DOCK7: variants seen among roughly 807,000 people sequenced by gnomAD.
DOCK7 encodes the protein dedicator of cytokinesis protein 7.
A neutral mutation model predicts 271.0 loss-of-function variants in DOCK7; 138 were observed. That is an observed-to-expected ratio of 0.51 (90% CI 0.44 to 0.59). DOCK7 has a LOEUF of 0.59. DOCK7 is among the 20% of genes least tolerant of loss of function. The probability of loss-of-function intolerance (pLI) is 0.00; values close to 1 mark genes in which losing one functional copy is unlikely to be tolerated. For missense variants in DOCK7, 2,066 were observed against 2,592.4 expected (o/e 0.80, Z 4.41); for synonymous variants, 823 against 876.1 (o/e 0.94, Z 1.07).
chr1:62,542,012 C>T (rs1480879883), intron 25 of DOCK7, among the ~76,000 whole-genome samples: 1 of 152,082 alleles, frequency 6.6e-6, no homozygotes, highest in Non-Finnish European at 1.5e-5. Flanking sequence ...GATGGAACTA[C>T]AGGTTTGTGC....
At chr1:62,538,660 C>T (rs964174014) in intron 27 of DOCK7, among the ~76,000 whole-genome samples, 1 of 152,072 alleles carries the variant, frequency 6.6e-6, no homozygotes, top group Non-Finnish European at 1.5e-5. Flanking sequence ...TGGGTGAGTG[C>T]CCATGCATAG....
At chr1:62,498,257 T>C (rs1165498885) in intron 37 of DOCK7, among the ~76,000 whole-genome samples, 2 of 152,050 alleles carry the variant, frequency 1.3e-5, no homozygotes, top group African/African-American at 4.8e-5. Context: ...TAAAAAACTG[T>C]CTTTGTGTTT....
At chr1:62,649,455 A>G (rs1243349932) in intron 4 of DOCK7, among the ~76,000 whole-genome samples, 1 of 152,206 alleles carries the variant, frequency 6.6e-6, no homozygotes, top group Non-Finnish European at 1.5e-5. Flanking sequence ...AAGACACTCA[A>G]TATAGTAACA....
intron 7 of DOCK7, 125 bp from the exon 8 acceptor site, chr1:62,636,728 T>G: frequency 8.6e-6 from 6 of 700,520 alleles, no homozygotes; most frequent in Middle Eastern, 2.5e-4. Context: ...CCTTTGCCTA[T>G]ATTAAAACTT....
intron 31 of DOCK7, among the ~76,000 whole-genome samples, chr1:62,519,907 A>G (rs1469418215): frequency 2.6e-5 from 4 of 152,212 alleles, no homozygotes; most frequent in African/African-American, 9.6e-5. Flanking sequence ...AAACAGATAC[A>G]TAGACCAAGG....
intron 31 of DOCK7, among the ~76,000 whole-genome samples, chr1:62,518,500 G>A (rs1644743385): frequency 6.6e-6 from 1 of 151,944 alleles, no homozygotes; most frequent in Non-Finnish European, 1.5e-5. Flanking sequence ...CGTGAACCCA[G>A]GAGGCAGAGC....
chr1:62,482,957 A>G (rs1350310831), intron 43 of DOCK7: 1 of 152,116 alleles, frequency 6.6e-6, no homozygotes. Context: ...TCCCAGTCCG[A>G]AAAAAAGAAA....
intron 1 of DOCK7, among the ~76,000 whole-genome samples, chr1:62,687,178 T>G (rs1189905777): frequency 1.3e-5 from 2 of 152,242 alleles, no homozygotes; most frequent in African/African-American, 4.8e-5. Flanking sequence ...TGAATGCTTC[T>G]TTTCTTGGGA....
chr1:62,487,310 C>T (rs1319746766), intron 43 of DOCK7, 88 bp downstream of exon 43: 2 of 1,337,192 alleles, frequency 1.5e-6, no homozygotes, highest in African/African-American at 2.9e-5. Flanking sequence ...AGAATGCCCA[C>T]AGCTAGCACA....
chr1:62,523,791 T>A (rs1644920236), intron 31 of DOCK7, among the ~76,000 whole-genome samples: 1 of 152,050 alleles, frequency 6.6e-6, no homozygotes, highest in Admixed American at 6.6e-5. Flanking sequence ...GGTGTGAACC[T>A]GGGAGGCAGA....
chr1:62,455,624 T>G (rs1207854607), intron 49 of DOCK7, 168 bp from the exon 50 acceptor site: 2 of 639,698 alleles, frequency 3.1e-6, no homozygotes, highest in African/African-American at 3.6e-5. Flanking sequence ...ATATTTTGGC[T>G]TATAGATTTA....
At chr1:62,550,090 C>G (rs1164538502) in intron 22 of DOCK7, among the ~76,000 whole-genome samples, 1 of 152,096 alleles carries the variant, frequency 6.6e-6, no homozygotes, top group African/African-American at 2.4e-5. Flanking sequence ...ACTTAGATTG[C>G]TTTCAAATGA....
chr1:62,671,907 C>T (rs1660053254), intron 1 of DOCK7, among the ~76,000 whole-genome samples: 2 of 150,488 alleles, frequency 1.3e-5, no homozygotes, highest in South Asian at 2.1e-4. Context: ...CTTTCAAGCC[C>T]TACTATTACA....
In DOCK7 at chr1:62,473,188, G is replaced by A. The variant is rs183215123; in HGVS notation, c.6212+794C>T. ...CCTAATCTGCACAGCTTCCCTACGG[G>A]AGGTAGATATCATTATCTTTACTTT... On this transcript the variant is annotated intron_variant, in intron 48 of 49. Transcript: ENST00000635253. Among the ~76,000 whole-genome samples, 15 of 152,254 alleles carry A rather than the reference G, an allele frequency of 9.9e-5. No individual in the cohort carries two copies. In the East Asian group the frequency reaches 2.9e-3, roughly 29 times the overall value.
chr1:62,520,999 G>C (rs1054742861), intron 31 of DOCK7, among the ~76,000 whole-genome samples: 1 of 151,972 alleles, frequency 6.6e-6, no homozygotes, highest in African/African-American at 2.4e-5. Flanking sequence ...AACTAACACA[G>C]GAACAGAAAA....
chr1:62,575,509 C>T (rs888722839), intron 18 of DOCK7, among the ~76,000 whole-genome samples: 2 of 152,190 alleles, frequency 1.3e-5, no homozygotes, highest in Non-Finnish European at 2.9e-5. Flanking sequence ...ATACATTTAA[C>T]ATACGAAATA....
chr1:62,604,010 A>C, intron 14 of DOCK7: 1 of 1,613,158 alleles, frequency 6.2e-7, no homozygotes, highest in Non-Finnish European at 8.5e-7. Context: ...CTCCATAGTG[A>C]AGCAATCTAA....
At chr1:62,646,837 CTG>C (rs1051066847) in intron 7 of DOCK7, among the ~76,000 whole-genome samples, 10 of 152,168 alleles carry the variant, frequency 6.6e-5, no homozygotes, top group African/African-American at 2.4e-4. Flanking sequence ...CTGTGCAACT[CTG>C]TGAATACATA....
intron 30 of DOCK7, 141 bp from the exon 31 acceptor site, chr1:62,528,446 A>G: frequency 2.5e-6 from 2 of 794,480 alleles, no homozygotes; most frequent in South Asian, 2.6e-5. Flanking sequence ...AATATTTTAA[A>G]TATCTTTAAC....
Sources: gnomAD v4.1 joint callset for allele counts (sites outside exome capture counted in the v4.1 genomes callset) on GRCh38, gnomAD v4.1.1 for gene constraint, MANE v1.5 for transcripts, NCBI Gene and HGNC (gene_info 2026-07-23, HGNC 2026-07-21) for gene names.